The following BBS9 variants were observed in gnomAD, a reference collection of about 807,000 sequenced individuals.
BBS9 encodes the protein protein PTHB1.
BBS9 carries 89 observed loss-of-function variants against 117.7 expected under a neutral mutation model. The ratio of observed to expected loss-of-function variants is 0.76; its 90% CI spans 0.64 to 0.90. BBS9 has a LOEUF of 0.90. BBS9 is among the 40% of genes least tolerant of loss of function. The probability of loss-of-function intolerance (pLI) is 0.00; values close to 1 mark genes in which losing one functional copy is unlikely to be tolerated. For synonymous variants in BBS9, 379 were observed against 370.9 expected, an observed-to-expected ratio of 1.02 and a Z score of -0.25; for missense variants, 982 against 1,042.2, an observed-to-expected ratio of 0.94 and a Z score of 0.80.
intron 20 of BBS9, among the ~76,000 whole-genome samples, chr7:33,511,592 C>T (rs931777491): frequency 6.6e-6 from 1 of 152,142 alleles, no homozygotes; most frequent in Non-Finnish European, 1.5e-5. Flanking sequence ...TTAATAGTTA[C>T]CTTCCCTAGT....
At chr7:33,517,673 A>G (rs1054115853) in intron 20 of BBS9, among the ~76,000 whole-genome samples, 2 of 152,182 alleles carry the variant, frequency 1.3e-5, no homozygotes, top group Admixed American at 6.5e-5. Flanking sequence ...TCTTTGTCTC[A>G]GGACTATTAG....
chr7:33,305,844 A>G (rs1477749399), intron 9 of BBS9, among the ~76,000 whole-genome samples: 1 of 151,958 alleles, frequency 6.6e-6, no homozygotes, highest in Non-Finnish European at 1.5e-5. Flanking sequence ...ACCTTTTCAA[A>G]AAAACCAGCT....
At chr7:33,368,590 A>G (rs73101677) in intron 17 of BBS9, among the ~76,000 whole-genome samples, 2,428 of 94,982 alleles carry the variant, frequency 0.026, 70 homozygotes, top group African/African-American at 0.087. Flanking sequence ...ACACACACAC[A>G]CACACACACA....
chr7:33,341,929 AAATTGG>A (rs1287042973), intron 11 of BBS9, among the ~76,000 whole-genome samples: 46 of 152,258 alleles, frequency 3.0e-4, no homozygotes. Context: ...TCACCAACAG[AAATTGG>A]TGTAGAAATT....
chr7:33,292,864 G>A (rs1340204127), intron 9 of BBS9, among the ~76,000 whole-genome samples: 1 of 152,080 alleles, frequency 6.6e-6, no homozygotes, highest in African/African-American at 2.4e-5. Flanking sequence ...AAATTAGCCA[G>A]GCGCGGTGGC....
intron 5 of BBS9, among the ~76,000 whole-genome samples, chr7:33,244,058 G>A (rs1183467925): frequency 6.6e-6 from 1 of 152,132 alleles, no homozygotes; most frequent in East Asian, 1.9e-4. Context: ...ATGAAACCCT[G>A]TCTCTAATAA....
chr7:33,599,752 ATAACT>A (rs1247237208), intron 21 of BBS9, among the ~76,000 whole-genome samples: 3 of 152,202 alleles, frequency 2.0e-5, no homozygotes, highest in Non-Finnish European at 4.4e-5. Flanking sequence ...TTTTAAAGTA[ATAACT>A]TAATTGTAAT....
At chr7:33,552,836 G>T (rs1172602558) in intron 21 of BBS9, among the ~76,000 whole-genome samples, 2 of 152,094 alleles carry the variant, frequency 1.3e-5, no homozygotes, top group East Asian at 3.9e-4. Flanking sequence ...TTCTTTCTCA[G>T]AAGATGACTT....
At chr7:33,424,076 C>T (rs1833271751) in intron 19 of BBS9, among the ~76,000 whole-genome samples, 1 of 152,142 alleles carries the variant, frequency 6.6e-6, no homozygotes, top group Non-Finnish European at 1.5e-5. Context: ...TAATGATGAA[C>T]TTTGCTTTTC....
intron 5 of BBS9, among the ~76,000 whole-genome samples, chr7:33,219,477 C>G (rs142723991): frequency 2.0e-5 from 3 of 152,102 alleles, no homozygotes; most frequent in Non-Finnish European, 2.9e-5. Context: ...ATGTCTAGCT[C>G]GGGGATTGTA....
chr7:33,453,771 C>T (rs978463098), intron 19 of BBS9, among the ~76,000 whole-genome samples: 2 of 152,084 alleles, frequency 1.3e-5, no homozygotes, highest in Admixed American at 6.5e-5. Context: ...CTGCCTGCCT[C>T]GGCCTCCCAA....
intron 20 of BBS9, among the ~76,000 whole-genome samples, chr7:33,515,724 G>A (rs1381320487): frequency 6.6e-6 from 1 of 152,182 alleles, no homozygotes; most frequent in Non-Finnish European, 1.5e-5. Context: ...ACATAGGTTA[G>A]TGATCTCTGT....
chr7:33,445,579 TTC>T (rs758816382), intron 19 of BBS9, among the ~76,000 whole-genome samples: 3 of 152,220 alleles, frequency 2.0e-5, no homozygotes, highest in Non-Finnish European at 4.4e-5. Flanking sequence ...AGTTGGAATG[TTC>T]TCTGTTTATT....
chr7:33,183,559 CAGG>C (rs1798384002), intron 5 of BBS9, among the ~76,000 whole-genome samples: 1 of 152,190 alleles, frequency 6.6e-6, no homozygotes. Context: ...AGTAACCTCA[CAGG>C]TGAAACCAAT....
chr7:33,283,390 A>G (rs1310396455), intron 9 of BBS9, among the ~76,000 whole-genome samples: 1 of 152,106 alleles, frequency 6.6e-6, no homozygotes, highest in Admixed American at 6.5e-5. Flanking sequence ...ATTACTCCTC[A>G]TCAATTAATT....
At chr7:33,148,349 T>A (rs1207012109) in intron 2 of BBS9, among the ~76,000 whole-genome samples, 1 of 151,044 alleles carries the variant, frequency 6.6e-6, no homozygotes, top group Non-Finnish European at 1.5e-5. Flanking sequence ...GTGGGAAGAG[T>A]AGTAGATTCT....
chr7:33,351,296 G>C lies in BBS9; in HGVS notation c.1510G>C (p.Ala504Pro). 1 of 1,612,454 alleles carries C rather than the reference G, an allele frequency of 6.2e-7. No homozygotes were observed. Among genetic ancestry groups the C allele is most frequent in the African/African-American group, 1.3e-5 (1 of 75,016 alleles). ...TACACCATCAGAATTGGAAGGAAAT[G>C]CTGTTGTTTCTTATTCCAGACCAAC... is the stretch of plus-strand genomic sequence containing the variant. ...SYTPSELEGN[A>P]VVSYSRPTDR... Residue 504 changes from alanine (A) to proline (P), a missense_variant, in exon 14 of 23, where the codon GCT becomes CCT. Physicochemically the swap from Ala to Pro is conservative, Grantham distance 27 (BLOSUM62 -1). Transcript: ENST00000242067.
At chr7:33,268,075 CT>C (rs1192415021) in intron 7 of BBS9, among the ~76,000 whole-genome samples, 2 of 152,242 alleles carry the variant, frequency 1.3e-5, no homozygotes, top group Non-Finnish European at 1.5e-5. Flanking sequence ...AGGCAAGATC[CT>C]TCTTAGTACT....
chr7:33,161,463 T>C (rs1440763797), intron 4 of BBS9, among the ~76,000 whole-genome samples: 1 of 152,240 alleles, frequency 6.6e-6, no homozygotes, highest in African/African-American at 2.4e-5. Context: ...TCCTTTTTTA[T>C]GGCTGCATAG....
Sources: allele counts gnomAD v4.1 joint callset (sites outside exome capture counted in the v4.1 genomes callset), GRCh38; gene constraint gnomAD v4.1.1; transcripts MANE v1.5; gene names NCBI Gene and HGNC (gene_info 2026-07-23, HGNC 2026-07-21).